RNF182: variants seen among roughly 807,000 people sequenced by gnomAD.
The protein encoded by RNF182 is ring finger protein 182, also known as E3 ubiquitin-protein ligase RNF182.
A neutral mutation model predicts 14.4 loss-of-function variants in RNF182; 15 were observed. That is an observed-to-expected ratio of 1.04 (90% CI 0.70 to 1.60). The LOEUF (loss-of-function observed/expected upper bound fraction) is 1.60, where lower values mean the gene tolerates loss of function less well. Ranked by LOEUF, RNF182 falls within the 40% of genes most tolerant of loss-of-function variation. The probability of loss-of-function intolerance (pLI) is 0.00; values close to 1 mark genes in which losing one functional copy is unlikely to be tolerated. For synonymous variants in RNF182, 128 were observed against 122.9 expected (o/e 1.04, Z -0.27); for missense variants, 268 against 294.8 (o/e 0.91, Z 0.67).
At chr6:13,966,721 C>G (rs1024916485) in intron 1 of RNF182, among the ~76,000 whole-genome samples, 4 of 152,094 alleles carry the variant, frequency 2.6e-5, no homozygotes, top group Non-Finnish European at 5.9e-5. Flanking sequence ...TGAGATCATG[C>G]CACTGCACTC....
chr6:13,964,723 C>T (rs1336239930), intron 1 of RNF182, among the ~76,000 whole-genome samples: 1 of 152,134 alleles, frequency 6.6e-6, no homozygotes, highest in Non-Finnish European at 1.5e-5. Flanking sequence ...GATCAGGATG[C>T]ACTGGATACT....
At chr6:13,973,221 T>G (rs961511569) in intron 1 of RNF182, among the ~76,000 whole-genome samples, 6 of 152,246 alleles carry the variant, frequency 3.9e-5, no homozygotes, top group Non-Finnish European at 8.8e-5. Context: ...CCAATGCCTG[T>G]ACCCCCATTA....
intron 1 of RNF182, chr6:13,949,074 A>C: frequency 1.4e-6 from 1 of 704,582 alleles, no homozygotes; most frequent in East Asian, 2.5e-5. Flanking sequence ...ATAACCCTTT[A>C]AATTTTTTGT....
At chr6:13,933,722 A>G (rs1307417966) in intron 1 of RNF182, among the ~76,000 whole-genome samples, 1 of 152,148 alleles carries the variant, frequency 6.6e-6, no homozygotes, top group Non-Finnish European at 1.5e-5. Flanking sequence ...ATATATTTTC[A>G]GCAGTTAAAG....
chr6:13,948,038 CAAAAT>C, intron 1 of RNF182, among the ~76,000 whole-genome samples: 1 of 152,058 alleles, frequency 6.6e-6, no homozygotes, highest in Non-Finnish European at 1.5e-5. Flanking sequence ...GTAAATAGCT[CAAAAT>C]AAAAGTTTTC....
At chr6:13,938,843 G>A (rs1759210053) in intron 1 of RNF182, among the ~76,000 whole-genome samples, 2 of 152,114 alleles carry the variant, frequency 1.3e-5, no homozygotes, top group African/African-American at 4.8e-5. Context: ...AGCACTTTGG[G>A]AGGCCGAGGT....
In RNF182 at chr6:13,977,527, G is replaced by T. The variant is rs781214947; in HGVS notation, c.408G>T (p.Val136=). The T allele has an allele frequency of 6.2e-7, 1 of 1,614,176 alleles. No homozygotes were observed. The highest frequency in any genetic ancestry group is 1.1e-5 in the South Asian group (1 of 91,076). ...SNCLVITIME[V]QRESSPSLSS... ...GCCTGGTCATAACCATCATGGAGGTGCAGAGAGAGAGCTCCCCGTCCCTGA... is the reference window on the plus strand; with the variant it reads ...GCCTGGTCATAACCATCATGGAGGTTCAGAGAGAGAGCTCCCCGTCCCTGA... The change falls in exon 3 of 3, where the codon GTG becomes GTT. Residue 136 remains valine (V), a synonymous_variant. Coordinates refer to ENST00000488300, the MANE Select transcript of RNF182 (RefSeq NM_152737.4).
intron 1 of RNF182, among the ~76,000 whole-genome samples, chr6:13,972,472 T>A (rs540084854): frequency 6.6e-6 from 1 of 152,278 alleles, no homozygotes; most frequent in East Asian, 1.9e-4. Flanking sequence ...GGAAAATGTC[T>A]CTGCATATCA....
At position 13,978,152 on chromosome 6, in the gene RNF182, C is replaced by G. The variant is rs1404370018; in HGVS notation, c.*289C>G. The G allele has an allele frequency of 3.8e-5, 13 of 343,732 alleles. No homozygotes were observed. Among genetic ancestry groups the G allele is most frequent in the Non-Finnish European group, 6.2e-5 (11 of 178,476 alleles). The allele number at this position is 343,732 out of a possible 1,614,324, so 21.3% of individuals were successfully genotyped here. On this transcript the variant is annotated 3_prime_UTR_variant, in exon 3 of 3. Coordinates refer to ENST00000488300, the MANE Select transcript of RNF182 (RefSeq NM_152737.4). ...TCTCTCAGCACTGCCAGACAGACGG[C>G]AGGGGTGTGGTGTGTTATACTATAG...
At chr6:13,966,888 G>A (rs1397272464) in intron 1 of RNF182, among the ~76,000 whole-genome samples, 1 of 151,938 alleles carries the variant, frequency 6.6e-6, no homozygotes, top group Admixed American at 6.6e-5. Flanking sequence ...CCAGGCTGGA[G>A]TGCAGTGGTG....
chr6:13,949,893 T>C (rs1561780897), intron 1 of RNF182, among the ~76,000 whole-genome samples: 1 of 152,192 alleles, frequency 6.6e-6, no homozygotes, highest in Non-Finnish European at 1.5e-5. Context: ...GTATTCAATT[T>C]ATGGAAAAAC....
chr6:13,960,680 T>C (rs1407505228), intron 1 of RNF182, among the ~76,000 whole-genome samples: 10 of 106,112 alleles, frequency 9.4e-5, no homozygotes, highest in African/African-American at 3.0e-4. Flanking sequence ...TGTGTGTGTG[T>C]GTGTGTGTGT....
chr6:13,957,448 T>A (rs1266707952), intron 1 of RNF182, among the ~76,000 whole-genome samples: 1 of 152,230 alleles, frequency 6.6e-6, no homozygotes, highest in Non-Finnish European at 1.5e-5. Context: ...AGAAAGTTTT[T>A]AAATTTCCTT....
chr6:13,979,721 G>A lies in RNF182; in HGVS notation c.*1858G>A, dbSNP rs1308702063. ...TTTTAAAAAAATGTTCGTTTTGTTT[G>A]AAATGTAACATTGAGTAAATTGGTG... On this transcript the variant is annotated 3_prime_UTR_variant, in exon 3 of 3. Coordinates refer to ENST00000488300, the MANE Select transcript of RNF182 (RefSeq NM_152737.4). 2 of 166,894 alleles carry A rather than the reference G, an allele frequency of 1.2e-5. No individual in the cohort carries two copies. Among genetic ancestry groups the A allele is most frequent in the Non-Finnish European group, 2.9e-5 (2 of 68,078 alleles). 10.3% of individuals were successfully genotyped at this position (166,894 alleles called of 1,614,324 possible). A position where few individuals can be genotyped will look rare whatever the true frequency, so the allele number is the denominator to read the frequency against.
chr6:13,955,942 T>C (rs1262287037), intron 1 of RNF182, among the ~76,000 whole-genome samples: 2 of 152,168 alleles, frequency 1.3e-5, no homozygotes, highest in Non-Finnish European at 2.9e-5. Flanking sequence ...GGTTTTCAAA[T>C]TCAGAAATTT....
intron 1 of RNF182, among the ~76,000 whole-genome samples, chr6:13,931,374 C>T (rs976174060): frequency 6.6e-6 from 1 of 152,138 alleles, no homozygotes; most frequent in Non-Finnish European, 1.5e-5. Context: ...CCCTCAGGGT[C>T]AGAGCAACAT....
At chr6:13,947,391 A>G (rs968439717) in intron 1 of RNF182, among the ~76,000 whole-genome samples, 1 of 152,188 alleles carries the variant, frequency 6.6e-6, no homozygotes, top group Non-Finnish European at 1.5e-5. Context: ...TTGGCAAAAT[A>G]AATTTTAGTC....
At chr6:13,934,744 A>G (rs1759064152) in intron 1 of RNF182, among the ~76,000 whole-genome samples, 1 of 152,158 alleles carries the variant, frequency 6.6e-6, no homozygotes, top group African/African-American at 2.4e-5. Flanking sequence ...AAATCCAAAT[A>G]AATAAACAAG....
At chr6:13,937,032 G>A (rs570745517) in intron 1 of RNF182, among the ~76,000 whole-genome samples, 64 of 152,074 alleles carry the variant, frequency 4.2e-4, no homozygotes, top group Non-Finnish European at 7.4e-4. Flanking sequence ...GAGCAGGAGA[G>A]TAAATGATCA....
Sources: allele counts gnomAD v4.1 joint callset (sites outside exome capture counted in the v4.1 genomes callset), GRCh38; gene constraint gnomAD v4.1.1; transcripts MANE v1.5; gene names NCBI Gene and HGNC (gene_info 2026-07-23, HGNC 2026-07-21).